VAT1L: variants seen among roughly 807,000 people sequenced by gnomAD.
VAT1L encodes vesicle amine transport 1 like.
Under a neutral mutation model 44.1 loss-of-function variants are expected in VAT1L, and 34 were observed. The ratio of observed to expected loss-of-function variants is 0.77; its 90% CI spans 0.59 to 1.03. VAT1L has a LOEUF of 1.03. Among genes scored for constraint, VAT1L ranks in the 50% least tolerant of loss-of-function variants. The pLI is 0.00. For missense variants in VAT1L, 615 were observed against 538.8 expected (o/e 1.14, Z -1.40); for synonymous variants, 253 against 202.2 (o/e 1.25, Z -2.13).
At chr16:77,939,684 T>C (rs2017853677) in intron 7 of VAT1L, among the ~76,000 whole-genome samples, 1 of 152,172 alleles carries the variant, frequency 6.6e-6, no homozygotes, top group Non-Finnish European at 1.5e-5. Context: ...ACAGAGAGGC[T>C]TGGAATAAAA....
At chr16:77,914,464 C>T (rs1380047410) in intron 7 of VAT1L, among the ~76,000 whole-genome samples, 1 of 152,106 alleles carries the variant, frequency 6.6e-6, no homozygotes, top group South Asian at 2.1e-4. Flanking sequence ...AATCAGCAAA[C>T]GCTACAATCC....
chr16:77,933,692 G>T (rs2017758621), intron 7 of VAT1L, among the ~76,000 whole-genome samples: 1 of 152,240 alleles, frequency 6.6e-6, no homozygotes, highest in Non-Finnish European at 1.5e-5. Flanking sequence ...GTCTTAAGCA[G>T]AGCTGGAAGG....
At chr16:77,954,520 G>C (rs972326637) in intron 7 of VAT1L, among the ~76,000 whole-genome samples, 2 of 152,170 alleles carry the variant, frequency 1.3e-5, no homozygotes, top group South Asian at 2.1e-4. Flanking sequence ...AGCTACTCAA[G>C]AGGCTGAGGC....
At chr16:77,950,665 C>A (rs1040695080) in intron 7 of VAT1L, among the ~76,000 whole-genome samples, 3 of 152,148 alleles carry the variant, frequency 2.0e-5, no homozygotes, top group Non-Finnish European at 4.4e-5. Flanking sequence ...CCTTAATCAT[C>A]CTAAGCCTGA....
intron 7 of VAT1L, among the ~76,000 whole-genome samples, chr16:77,929,774 TTA>T (rs2017707396): frequency 6.6e-6 from 1 of 152,166 alleles, no homozygotes; most frequent in African/African-American, 2.4e-5. Context: ...CATTTACAGG[TTA>T]AGCAAACTGT....
intron 7 of VAT1L, among the ~76,000 whole-genome samples, chr16:77,966,850 T>C (rs1034345613): frequency 6.7e-6 from 1 of 150,350 alleles, no homozygotes; most frequent in Non-Finnish European, 1.5e-5. Flanking sequence ...CATTGACTAG[T>C]GGCTATAGGA....
At chr16:77,935,018 T>C (rs1019753918) in intron 7 of VAT1L, among the ~76,000 whole-genome samples, 35 of 152,118 alleles carry the variant, frequency 2.3e-4, no homozygotes, top group African/African-American at 8.5e-4. Context: ...AAAGGCCTCT[T>C]GGTGCTCGAT....
rs962155662 is a variant in VAT1L, at chr16:77,817,017, T to C, written c.330T>C (p.Val110=). The change falls in exon 2 of 9, where the codon GTT becomes GTC. Residue 110 remains valine (V), a synonymous_variant. Coordinates refer to ENST00000302536, the MANE Select transcript of VAT1L (RefSeq NM_020927.3). ...LVPGFECSGI[V]EALGDSVKGY... is the part of the protein sequence containing the mutation. ...CAGGATTTGAGTGTTCTGGGATTGT[T>C]GAAGCTCTGGGGGACAGCGTGAAAG... 8.7e-6 allele frequency: 14 copies of C among 1,613,888 alleles called. No individual in the cohort carries two copies. In the African/African-American group the frequency reaches 1.5e-4, roughly 17 times the overall value.
At chr16:77,961,305 G>A (rs1269526753) in intron 7 of VAT1L, among the ~76,000 whole-genome samples, 2 of 152,074 alleles carry the variant, frequency 1.3e-5, no homozygotes, top group Non-Finnish European at 2.9e-5. Flanking sequence ...ACTCCGCTTT[G>A]CTAAGTCAAC....
chr16:77,789,029 C>G, intron 1 of VAT1L, 114 bp downstream of exon 1: 2 of 1,265,538 alleles, frequency 1.6e-6, no homozygotes, highest in Non-Finnish European at 2.1e-6. Flanking sequence ...CGCGCACCCC[C>G]TCCGCGCCCT....
At chr16:77,940,961 G>C (rs904977100) in intron 7 of VAT1L, among the ~76,000 whole-genome samples, 3 of 152,118 alleles carry the variant, frequency 2.0e-5, no homozygotes, top group East Asian at 1.9e-4. Context: ...TTTCAACAAA[G>C]AGGGAGCAGG....
At chr16:77,919,455 G>C (rs776938373) in intron 7 of VAT1L, among the ~76,000 whole-genome samples, 2 of 152,214 alleles carry the variant, frequency 1.3e-5, no homozygotes, top group Admixed American at 6.5e-5. Flanking sequence ...TAGAGGTAGA[G>C]ATACATGGAA....
Position 77,910,673 on chromosome 16 carries a change from C to CAAAAAAAAAAAAAAAAAA in VAT1L, c.1077+25874_1077+25891dup, listed in dbSNP as rs3038773. 3.6e-5 allele frequency among the ~76,000 whole-genome samples: 3 copies of CAAAAAAAAAAAAAAAAAA among 82,964 alleles called. 1 individual carries two copies. Among genetic ancestry groups the CAAAAAAAAAAAAAAAAAA allele is most frequent in the African/African-American group, 9.4e-5 (2 of 21,354 alleles). The allele number at this position is 82,964 out of a possible 152,430, so 54.4% of individuals were successfully genotyped here. A position where few individuals can be genotyped will look rare whatever the true frequency, so the allele number is the denominator to read the frequency against. On this transcript the variant is annotated intron_variant, in intron 7 of 8. Coordinates refer to ENST00000302536, the MANE Select transcript of VAT1L (RefSeq NM_020927.3). ...TGGGCAACAGAGTGAGACTCCTTCT[C>CAAAAAAAAAAAAAAAAAA]AAAAAAAAAAAAAAAAAAAAGAAAG...
At chr16:77,897,800 C>G (rs1002020786) in intron 7 of VAT1L, among the ~76,000 whole-genome samples, 22 of 152,188 alleles carry the variant, frequency 1.4e-4, no homozygotes, top group African/African-American at 5.1e-4. Context: ...AACCCTTCCA[C>G]TTCCTAGTGG....
At chr16:77,815,780 C>T (rs901345763) in intron 1 of VAT1L, among the ~76,000 whole-genome samples, 1 of 151,174 alleles carries the variant, frequency 6.6e-6, no homozygotes, top group Non-Finnish European at 1.5e-5. Flanking sequence ...CCAGCCTGGC[C>T]AACATGGCGA....
chr16:77,806,859 T>A (rs986089575), intron 1 of VAT1L, among the ~76,000 whole-genome samples: 6 of 151,982 alleles, frequency 3.9e-5, no homozygotes, highest in Admixed American at 3.9e-4. Flanking sequence ...CAGGGAGAAA[T>A]CAAGACATGG....
intron 3 of VAT1L, among the ~76,000 whole-genome samples, chr16:77,849,269 A>G (rs968992239): frequency 6.6e-6 from 1 of 152,198 alleles, no homozygotes; most frequent in Non-Finnish European, 1.5e-5. Flanking sequence ...CAAGAAACAA[A>G]TGTGCAAAAT....
chr16:77,952,082 A>C (rs2018051135), intron 7 of VAT1L, among the ~76,000 whole-genome samples: 1 of 152,188 alleles, frequency 6.6e-6, no homozygotes, highest in African/African-American at 2.4e-5. Context: ...TCCTTCCCAG[A>C]GACTGGGAGA....
intron 7 of VAT1L, among the ~76,000 whole-genome samples, chr16:77,928,788 T>C (rs536022135): frequency 1.4e-4 from 22 of 152,060 alleles, no homozygotes; most frequent in South Asian, 4.2e-4. Flanking sequence ...TGAAGTCTTC[T>C]AAGTCACTGT....
Sources: allele counts gnomAD v4.1 joint callset (sites outside exome capture counted in the v4.1 genomes callset), GRCh38; gene constraint gnomAD v4.1.1; transcripts MANE v1.5; gene names NCBI Gene and HGNC (gene_info 2026-07-23, HGNC 2026-07-21).